Variants in PARD3B observed in about 807,000 individuals in gnomAD.
PARD3B encodes the protein par-3 family cell polarity regulator beta.
PARD3B carries 103 observed loss-of-function variants against 130.2 expected under a neutral mutation model. That is an observed-to-expected ratio of 0.79 (90% CI 0.67 to 0.93). The LOEUF is 0.93. Ranked by LOEUF, PARD3B falls within the 40% of genes least tolerant of loss-of-function variation. The probability of loss-of-function intolerance (pLI) is 0.00; values close to 1 mark genes in which losing one functional copy is unlikely to be tolerated. For synonymous variants in PARD3B, 583 were observed against 553.2 expected, an observed-to-expected ratio of 1.05 and a Z score of -0.76; for missense variants, 1,609 against 1,499.2, an observed-to-expected ratio of 1.07 and a Z score of -1.21.
chr2:204,807,768 A>G (rs1044082784), intron 2 of PARD3B, among the ~76,000 whole-genome samples: 2 of 152,098 alleles, frequency 1.3e-5, no homozygotes, highest in East Asian at 3.9e-4. Context: ...TCTCTCATTC[A>G]TGAGAGCTAA....
At chr2:204,921,551 A>G (rs2047681661) in intron 2 of PARD3B, among the ~76,000 whole-genome samples, 2 of 152,250 alleles carry the variant, frequency 1.3e-5, no homozygotes, top group South Asian at 4.1e-4. Flanking sequence ...CAAAAAAGAA[A>G]GGAATAAAAG....
At chr2:205,038,259 G>A (rs1406271129) in intron 3 of PARD3B, among the ~76,000 whole-genome samples, 2 of 152,122 alleles carry the variant, frequency 1.3e-5, no homozygotes, top group African/African-American at 4.8e-5. Flanking sequence ...TCATCTCTGT[G>A]ATTCAGGAGC....
intron 3 of PARD3B, among the ~76,000 whole-genome samples, chr2:204,999,079 G>C (rs1333577806): frequency 6.6e-6 from 1 of 151,818 alleles, no homozygotes; most frequent in Non-Finnish European, 1.5e-5. Flanking sequence ...TGCATCGCTG[G>C]GTTCAGTTTG....
chr2:205,165,820 T>C (rs1559501859), intron 11 of PARD3B, among the ~76,000 whole-genome samples: 1 of 152,140 alleles, frequency 6.6e-6, no homozygotes, highest in Non-Finnish European at 1.5e-5. Context: ...TTCATTGGTT[T>C]GTTACATAGA....
chr2:205,168,370 T>C (rs918104703), intron 11 of PARD3B, among the ~76,000 whole-genome samples: 1 of 149,662 alleles, frequency 6.7e-6, no homozygotes. Flanking sequence ...ATAAATATCC[T>C]AGAATTACCA....
At chr2:205,394,096 A>T (rs1300657498) in intron 18 of PARD3B, among the ~76,000 whole-genome samples, 1 of 152,090 alleles carries the variant, frequency 6.6e-6, no homozygotes, top group Non-Finnish European at 1.5e-5. Context: ...GGCTATTGTG[A>T]TGTGTAGTGG....
intron 2 of PARD3B, among the ~76,000 whole-genome samples, chr2:204,802,123 A>G (rs946810187): frequency 6.6e-6 from 1 of 152,150 alleles, no homozygotes; most frequent in South Asian, 2.1e-4. Context: ...TTTATAATCT[A>G]CGAGGAACTT....
rs1052085100 is a variant in PARD3B at position 204,549,928 on chromosome 2, A to T, written c.120+3809A>T. Among the ~76,000 whole-genome samples, 7 of 31,706 alleles carry T rather than the reference A, an allele frequency of 2.2e-4. No individual in the cohort carries two copies. The East Asian group carries it at 3.7e-3, about 17-fold the overall frequency. 20.8% of individuals were successfully genotyped at this position (31,706 alleles called of 152,430 possible). On this transcript the variant is annotated intron_variant, in intron 1 of 22. Coordinates refer to ENST00000406610, the MANE Select transcript of PARD3B (RefSeq NM_001302769.2). ...TGACATTTCTGGCCTTTTCTCATTA[A>T]AAAAAAACAAACAAATAAAAGCATG...
chr2:205,205,895 G>T (rs1376687290), intron 15 of PARD3B, among the ~76,000 whole-genome samples: 2 of 152,132 alleles, frequency 1.3e-5, no homozygotes, highest in Non-Finnish European at 2.9e-5. Flanking sequence ...AGGGATATTG[G>T]CCTGAAATTT....
At chr2:205,498,304 C>G (rs2050020250) in intron 20 of PARD3B, among the ~76,000 whole-genome samples, 1 of 151,356 alleles carries the variant, frequency 6.6e-6, no homozygotes, top group South Asian at 2.1e-4. Flanking sequence ...GAGTTCAAGA[C>G]CAGCCAGATC....
At chr2:205,344,816 G>T (rs920666638) in intron 18 of PARD3B, among the ~76,000 whole-genome samples, 3 of 152,124 alleles carry the variant, frequency 2.0e-5, no homozygotes, top group Non-Finnish European at 4.4e-5. Flanking sequence ...TATAGCGGGG[G>T]TAGAATGCCA....
intron 2 of PARD3B, among the ~76,000 whole-genome samples, chr2:204,819,123 G>T (rs968436567): frequency 1.3e-5 from 2 of 152,142 alleles, no homozygotes; most frequent in Non-Finnish European, 2.9e-5. Context: ...TATACATACA[G>T]AAATTCTTCA....
intron 18 of PARD3B, among the ~76,000 whole-genome samples, chr2:205,396,349 A>G (rs757400729): frequency 2.6e-5 from 4 of 152,214 alleles, no homozygotes; most frequent in Non-Finnish European, 4.4e-5. Context: ...GTATGCCAAC[A>G]TAATATTAAC....
At chr2:205,073,960 TTTATCTTA>T (rs1700891868) in intron 4 of PARD3B, among the ~76,000 whole-genome samples, 1 of 152,318 alleles carries the variant, frequency 6.6e-6, no homozygotes, top group African/African-American at 2.4e-5. Flanking sequence ...CATATTCCTC[TTTATCTTA>T]TTAACAGGAT....
chr2:205,046,067 G>A (rs748872287), intron 3 of PARD3B, among the ~76,000 whole-genome samples: 1 of 152,090 alleles, frequency 6.6e-6, no homozygotes, highest in Non-Finnish European at 1.5e-5. Flanking sequence ...TAAAGATAAT[G>A]AGTTCCTTTG....
chr2:205,193,483 C>T (rs1005011955), intron 15 of PARD3B, among the ~76,000 whole-genome samples, 163 bp downstream of exon 15: 10 of 152,208 alleles, frequency 6.6e-5, no homozygotes, highest in African/African-American at 2.2e-4. Context: ...TCTCTTCGCA[C>T]ATTTAATTGT....
intron 2 of PARD3B, among the ~76,000 whole-genome samples, chr2:204,720,921 A>ATACT (rs1172939909): frequency 1.3e-5 from 2 of 152,092 alleles, no homozygotes. Context: ...CCCTGTCTAT[A>ATACT]TACTAGATTA....
chr2:204,583,276 C>T (rs1178982102), intron 1 of PARD3B, among the ~76,000 whole-genome samples: 1 of 97,622 alleles, frequency 1.0e-5, no homozygotes, highest in Non-Finnish European at 2.0e-5. Flanking sequence ...ACATATACAC[C>T]ATGGAATACT....
intron 22 of PARD3B, among the ~76,000 whole-genome samples, chr2:205,583,810 C>CCA (rs2054093413): frequency 6.6e-6 from 1 of 152,142 alleles, no homozygotes; most frequent in Non-Finnish European, 1.5e-5. Flanking sequence ...TTTCCTTTTC[C>CCA]TGTCTTACAT....
Sources: allele counts gnomAD v4.1 joint callset (sites outside exome capture counted in the v4.1 genomes callset), GRCh38; gene constraint gnomAD v4.1.1; transcripts MANE v1.5; gene names NCBI Gene and HGNC (gene_info 2026-07-23, HGNC 2026-07-21).